UPRT: variants seen among roughly 807,000 people sequenced by gnomAD.
The protein encoded by UPRT is RP11-311P8.3.
In UPRT, 5 loss-of-function variants were observed where a neutral mutation model predicts 22.6. The observed-to-expected ratio is 0.22, with a 90% CI of 0.12 to 0.47. UPRT has a LOEUF of 0.47. UPRT is among the 20% of genes least tolerant of loss of function. UPRT has a pLI of 0.99. For synonymous variants in UPRT, 77 were observed against 87.7 expected (o/e 0.88, Z 0.68); for missense variants, 181 against 239.9 (o/e 0.75, Z 1.62).
upstream of UPRT, among the ~76,000 whole-genome samples, chrX:75,271,526 T>C (rs939967971): frequency 8.9e-6 from 1 of 112,132 alleles, no homozygotes; most frequent in Non-Finnish European, 1.9e-5. Context: ...ATCTAAGACC[T>C]GAAACTATAA....
chrX:75,207,009 A>G (rs1388240101), intron 4 of UPRT, among the ~76,000 whole-genome samples: 1 of 112,501 alleles, frequency 8.9e-6, no homozygotes, highest in Non-Finnish European at 1.9e-5. Flanking sequence ...CAAATTTGCT[A>G]AAACCTTTTC....
Position 75,187,406 on chromosome X carries a change from G to T in UPRT, c.-447+19527G>T, listed in dbSNP as rs755859254. Among the ~76,000 whole-genome samples, 59 of 111,602 alleles carry T rather than the reference G, an allele frequency of 5.3e-4. No homozygotes were observed. In the South Asian group the frequency reaches 0.022, roughly 42 times the overall value. The stretch of plus-strand genomic sequence containing the variant: ...CCGAGAGATCCGCTGTTAGTCTGAT[G>T]GGCTTCCCTTTGAGGGTAACCCGAC... On this transcript the variant is annotated intron_variant, in intron 4 of 13. Transcript: ENST00000652605.
chrX:75,304,630 C>T lies in UPRT; in HGVS notation c.*1119C>T, dbSNP rs899109123. The T allele has an allele frequency of 9.0e-6, 1 of 110,980 alleles. No homozygotes were observed. The highest frequency in any genetic ancestry group is 1.9e-5 in the Non-Finnish European group (1 of 53,082). 9.1% of individuals were successfully genotyped at this position (110,980 alleles called of 1,213,427 possible). ...CTAGCTGATTACTTGATTAATTATA[C>T]TCCCATGGCCCCATAGGAAGCTGTT... On this transcript the variant is annotated 3_prime_UTR_variant, in exon 7 of 7. Coordinates refer to ENST00000373383, the MANE Select transcript of UPRT (RefSeq NM_145052.4).
chrX:75,297,209 T>G (rs1416576408), intron 3 of UPRT, among the ~76,000 whole-genome samples: 1 of 111,752 alleles, frequency 8.9e-6, no homozygotes, highest in East Asian at 2.8e-4. Flanking sequence ...TTGAATTCAG[T>G]TTGAGGAATG....
intron 4 of UPRT, among the ~76,000 whole-genome samples, chrX:75,175,954 G>A (rs775586360): frequency 2.1e-4 from 23 of 111,240 alleles, no homozygotes; most frequent in African/African-American, 7.2e-4. Context: ...CAGGGCCCAG[G>A]GCTTGCTTTT....
chrX:75,228,176 G>A (rs2082428574), intron 4 of UPRT, among the ~76,000 whole-genome samples: 1 of 111,675 alleles, frequency 9.0e-6, no homozygotes, highest in African/African-American at 3.3e-5. Context: ...AACTTCATGA[G>A]GAGTTCTGAG....
At chrX:75,276,520 G>A (rs2082632333) in intron 1 of UPRT, among the ~76,000 whole-genome samples, 1 of 111,107 alleles carries the variant, frequency 9.0e-6, no homozygotes, top group Admixed American at 9.6e-5. Flanking sequence ...GTTGTGGTAG[G>A]GTAGGGGCAG....
chrX:75,291,299 G>A lies in UPRT; in HGVS notation c.387-2173G>A, dbSNP rs2082706350. On this transcript the variant is annotated intron_variant, in intron 1 of 6. Coordinates refer to ENST00000373383, the MANE Select transcript of UPRT (RefSeq NM_145052.4). ...ATGTATTTAAAAATATTCCAGGGAT[G>A]TGTGCATGTGTGTTTTTTACATTGT... 5.0e-5 allele frequency: 12 copies of A among 240,397 alleles called. No homozygotes were observed. In the Admixed American group the frequency reaches 7.0e-4, roughly 14 times the overall value. The allele number at this position is 240,397 out of a possible 1,213,427, so 19.8% of individuals were successfully genotyped here. A position where few individuals can be genotyped will look rare whatever the true frequency, so the allele number is the denominator to read the frequency against.
intron 4 of UPRT, among the ~76,000 whole-genome samples, chrX:75,179,712 G>A (rs2082262672): frequency 8.8e-6 from 1 of 113,451 alleles, no homozygotes; most frequent in African/African-American, 3.2e-5. Flanking sequence ...GCGCTGGTGG[G>A]CTGGCACTGC....
At chrX:75,268,242 A>C (rs1259555871) in intron 4 of UPRT, among the ~76,000 whole-genome samples, 1 of 111,097 alleles carries the variant, frequency 9.0e-6, no homozygotes, top group Non-Finnish European at 1.9e-5. Context: ...GCAATAGCAA[A>C]TTATGAAATT....
intron 4 of UPRT, among the ~76,000 whole-genome samples, chrX:75,183,795 G>T (rs1314751476): frequency 8.9e-6 from 1 of 112,098 alleles, no homozygotes; most frequent in African/African-American, 3.2e-5. Flanking sequence ...ATTTTTTCAT[G>T]TGTCTGTTGG....
At chrX:75,297,443 G>T (rs1188163606) in intron 3 of UPRT, 48 bp from the exon 4 acceptor site, 3 of 1,160,289 alleles carry the variant, frequency 2.6e-6, no homozygotes, top group East Asian at 3.0e-5. Flanking sequence ...AAATATGTAG[G>T]TTACTCCAGT....
chrX:75,238,319 C>A (rs762704341), intron 4 of UPRT, among the ~76,000 whole-genome samples: 1 of 111,287 alleles, frequency 9.0e-6, no homozygotes, highest in African/African-American at 3.3e-5. Flanking sequence ...CCACAGCAAG[C>A]AGGAGTAGCT....
chrX:75,253,437 A>G lies in UPRT; in HGVS notation c.-446-37587A>G, dbSNP rs2082538868. Among the ~76,000 whole-genome samples the G allele has an allele frequency of 3.6e-5, 4 of 112,601 alleles. No individual in the cohort carries two copies. In the South Asian group the frequency reaches 1.5e-3, roughly 41 times the overall value. The stretch of plus-strand genomic sequence containing the variant: ...AGATGCTGGCAAGGTTGTGGAAGAA[A>G]TTGAATGCTTATACACTGTAAGTGG... On this transcript the variant is annotated intron_variant, in intron 4 of 13. Coordinates refer to the UPRT transcript ENST00000652605.
At chrX:75,196,141 C>T (rs997999180) in intron 4 of UPRT, among the ~76,000 whole-genome samples, 3 of 111,759 alleles carry the variant, frequency 2.7e-5, no homozygotes, top group African/African-American at 9.8e-5. Context: ...TTCCAATCCA[C>T]GAATATGAGT....
chrX:75,303,391 T>C lies in UPRT; in HGVS notation c.824-14T>C, dbSNP rs2082751106. 1 of 1,178,644 alleles carries C rather than the reference T, an allele frequency of 8.5e-7. No homozygotes were observed. The highest frequency in any genetic ancestry group is 1.1e-6 in the Non-Finnish European group (1 of 871,211). ...CCAAAACATCCTACCATAATAACTT[T>C]TGTTTTTTTGAAGGTGCCAAATCAA... On this transcript the variant is annotated splice_polypyrimidine_tract_variant and intron_variant, in intron 6 of 6. Transcript: ENST00000373383.
chrX:75,277,928 C>A (rs1017276008), intron 1 of UPRT, among the ~76,000 whole-genome samples: 4 of 111,355 alleles, frequency 3.6e-5, no homozygotes, highest in African/African-American at 1.3e-4. Flanking sequence ...TCCTCTCTCA[C>A]AAGACCTGTT....
intron 4 of UPRT, among the ~76,000 whole-genome samples, chrX:75,213,926 A>G (rs1354307521): frequency 8.9e-6 from 1 of 112,244 alleles, no homozygotes; most frequent in Non-Finnish European, 1.9e-5. Flanking sequence ...TTTGACAGGC[A>G]GAAAATTAAT....
intron 4 of UPRT, among the ~76,000 whole-genome samples, chrX:75,231,135 T>C (rs1456761068): frequency 9.0e-6 from 1 of 111,180 alleles, no homozygotes; most frequent in Admixed American, 9.6e-5. Flanking sequence ...ATTCAGAAGG[T>C]TGATTATTAA....
Sources: allele counts gnomAD v4.1 joint callset (sites outside exome capture counted in the v4.1 genomes callset), GRCh38; gene constraint gnomAD v4.1.1; transcripts MANE v1.5; gene names NCBI Gene and HGNC (gene_info 2026-07-23, HGNC 2026-07-21).